Variants in CNTNAP2 observed in about 807,000 individuals in gnomAD.
CNTNAP2 encodes the protein contactin-associated protein-like 2.
A neutral mutation model predicts 155.2 loss-of-function variants in CNTNAP2; 98 were observed. The observed-to-expected ratio is 0.63, with a 90% confidence interval of 0.54 to 0.75. CNTNAP2 has a LOEUF of 0.75. CNTNAP2 is among the 30% of genes least tolerant of loss of function. The probability of loss-of-function intolerance (pLI) is 0.00; values close to 1 mark genes in which losing one functional copy is unlikely to be tolerated. For synonymous variants in CNTNAP2, 651 were observed against 631.2 expected (o/e 1.03, Z -0.47); for missense variants, 1,727 against 1,688.1 (o/e 1.02, Z -0.40).
chr7:146,851,480 A>G (rs1487686282), intron 3 of CNTNAP2, among the ~76,000 whole-genome samples: 1 of 152,030 alleles, frequency 6.6e-6, no homozygotes, highest in Non-Finnish European at 1.5e-5. Flanking sequence ...GGTGGCTCAA[A>G]CAACAGAAAT....
chr7:147,071,769 G>A (rs1247741220), intron 4 of CNTNAP2, among the ~76,000 whole-genome samples: 1 of 152,154 alleles, frequency 6.6e-6, no homozygotes, highest in Non-Finnish European at 1.5e-5. Flanking sequence ...AAAAATGCTG[G>A]TCTATGTAGT....
intron 1 of CNTNAP2, among the ~76,000 whole-genome samples, chr7:146,575,594 A>C (rs1798512153): frequency 6.6e-6 from 1 of 152,230 alleles, no homozygotes; most frequent in South Asian, 2.1e-4. Flanking sequence ...TATTAAAGCA[A>C]GTGAAACAGG....
intron 6 of CNTNAP2, chr7:147,122,898 A>G (rs1801150118): frequency 6.6e-6 from 1 of 152,188 alleles, no homozygotes; most frequent in African/African-American, 2.4e-5. Context: ...TTTTATAAGA[A>G]TATGGAATAT....
At chr7:147,923,699 T>A (rs796552945) in intron 14 of CNTNAP2, among the ~76,000 whole-genome samples, 12 of 146,738 alleles carry the variant, frequency 8.2e-5, no homozygotes, top group Admixed American at 2.0e-4. Context: ...AAAAAAAAAA[T>A]TTCTAGAGAT....
intron 1 of CNTNAP2, among the ~76,000 whole-genome samples, chr7:146,251,815 A>G (rs1799761233): frequency 6.6e-6 from 1 of 152,212 alleles, no homozygotes; most frequent in Non-Finnish European, 1.5e-5. Context: ...TAATTTGTGG[A>G]GAAAGGACAT....
chr7:146,796,557 AAAG>A (rs1370450176), intron 2 of CNTNAP2, among the ~76,000 whole-genome samples: 1 of 152,280 alleles, frequency 6.6e-6, no homozygotes, highest in East Asian at 1.9e-4. Flanking sequence ...ATATGAAGAT[AAAG>A]AAGATCTAGC....
chr7:148,321,596 C>T (rs1016943188), intron 21 of CNTNAP2, among the ~76,000 whole-genome samples: 1 of 152,194 alleles, frequency 6.6e-6, no homozygotes, highest in Non-Finnish European at 1.5e-5. Context: ...TCCCCAAAAG[C>T]AGCGTTGAGC....
intron 1 of CNTNAP2, among the ~76,000 whole-genome samples, chr7:146,526,359 GA>G (rs1367184618): frequency 6.6e-6 from 1 of 152,160 alleles, no homozygotes; most frequent in Admixed American, 6.6e-5. Context: ...TGCTTTACAG[GA>G]AGTGTGGTGC....
intron 1 of CNTNAP2, among the ~76,000 whole-genome samples, chr7:146,148,755 A>T (rs1797991182): frequency 6.6e-6 from 1 of 152,214 alleles, no homozygotes; most frequent in Non-Finnish European, 1.5e-5. Flanking sequence ...ATTCTATTAT[A>T]CACAGGAGAA....
chr7:147,366,942 C>G (rs1796242167), intron 9 of CNTNAP2, among the ~76,000 whole-genome samples: 1 of 152,092 alleles, frequency 6.6e-6, no homozygotes, highest in African/African-American at 2.4e-5. Flanking sequence ...CTGGAGCGGA[C>G]TGTATATTTC....
chr7:148,040,581 C>A (rs1428107711), intron 15 of CNTNAP2, among the ~76,000 whole-genome samples: 5 of 152,200 alleles, frequency 3.3e-5, no homozygotes, highest in Non-Finnish European at 7.3e-5. Flanking sequence ...CAGTCCTATC[C>A]CACACCCCGC....
rs55694542 is a variant in CNTNAP2, at chr7:147,094,399, C to CTTTTTTTTT, written c.551-13740_551-13732dup. Among the ~76,000 whole-genome samples the CTTTTTTTTT allele has an allele frequency of 2.3e-5, 3 of 132,962 alleles. 1 individual carries two copies. Among genetic ancestry groups the CTTTTTTTTT allele is most frequent in the Non-Finnish European group, 1.6e-5 (1 of 64,412 alleles). The allele number at this position is 132,962 out of a possible 152,430, so 87.2% of individuals were successfully genotyped here. On this transcript the variant is annotated intron_variant, in intron 4 of 23. Coordinates refer to ENST00000361727, the MANE Select transcript of CNTNAP2 (RefSeq NM_014141.6). ...ATGTAGCCTTTTATTATTATTATTC[C>CTTTTTTTTT]TTTTTTTTTTTTTTTTCTTTTGGAG...
intron 8 of CNTNAP2, among the ~76,000 whole-genome samples, chr7:147,176,713 GAATTATATA>G (rs1563103822): frequency 3.7e-4 from 44 of 119,180 alleles, no homozygotes; most frequent in African/African-American, 1.4e-3. Flanking sequence ...ATATATAATA[GAATTATATA>G]TTATATATAA....
chr7:147,505,809 C>A (rs1474679662), intron 11 of CNTNAP2, among the ~76,000 whole-genome samples: 1 of 152,174 alleles, frequency 6.6e-6, no homozygotes, highest in Non-Finnish European at 1.5e-5. Flanking sequence ...CTGTCAGAAT[C>A]ATTGCCATTT....
intron 1 of CNTNAP2, among the ~76,000 whole-genome samples, chr7:146,423,560 A>T (rs1029738247): frequency 2.0e-5 from 3 of 152,200 alleles, no homozygotes; most frequent in Admixed American, 2.0e-4. Flanking sequence ...TTTGTGCTCC[A>T]ATTTTTAGCA....
At chr7:147,019,707 A>G (rs1798786433) in intron 3 of CNTNAP2, among the ~76,000 whole-genome samples, 1 of 152,154 alleles carries the variant, frequency 6.6e-6, no homozygotes, top group Admixed American at 6.5e-5. Context: ...TCCCTAGTCA[A>G]CATGGTTCAA....
chr7:147,789,954 G>A (rs574384778), intron 13 of CNTNAP2, among the ~76,000 whole-genome samples: 1 of 152,240 alleles, frequency 6.6e-6, no homozygotes, highest in African/African-American at 2.4e-5. Flanking sequence ...TGGCTTCCTT[G>A]CTCCTCAGCT....
intron 1 of CNTNAP2, among the ~76,000 whole-genome samples, chr7:146,621,212 C>T (rs1182311827): frequency 2.0e-5 from 3 of 152,116 alleles, no homozygotes; most frequent in Non-Finnish European, 2.9e-5. Context: ...TTTTAGAATA[C>T]ATTTAGATTT....
chr7:148,217,555 T>A (rs778236331), intron 19 of CNTNAP2, 31 bp downstream of exon 19: 6 of 1,600,424 alleles, frequency 3.7e-6, no homozygotes, highest in Non-Finnish European at 5.1e-6. Flanking sequence ...CCTCTGCCAT[T>A]TAACATTTGG....
Sources: allele counts gnomAD v4.1 joint callset (sites outside exome capture counted in the v4.1 genomes callset), GRCh38; gene constraint gnomAD v4.1.1; transcripts MANE v1.5; gene names NCBI Gene and HGNC (gene_info 2026-07-23, HGNC 2026-07-21).